Variants in HMGXB4 observed in about 807,000 individuals in gnomAD.
The protein encoded by HMGXB4 is HMG-box containing 4.
HMGXB4 carries 27 observed loss-of-function variants against 63.9 expected under a neutral mutation model. The observed-to-expected ratio is 0.42, with a 90% CI of 0.31 to 0.58. The LOEUF (loss-of-function observed/expected upper bound fraction) is 0.58. Ranked by LOEUF, HMGXB4 falls within the 20% of genes least tolerant of loss-of-function variation. The pLI, the probability that HMGXB4 is intolerant of heterozygous loss-of-function variation, is 0.13. For missense variants in HMGXB4, 624 were observed against 700.7 expected (o/e 0.89, Z 1.24); for synonymous variants, 264 against 265.3 (o/e 0.99, Z 0.05).
intron 9 of HMGXB4, 88 bp downstream of exon 9, chr22:35,288,495 A>T (rs1924731268): frequency 9.8e-7 from 1 of 1,022,792 alleles, no homozygotes; most frequent in Non-Finnish European, 1.4e-6. Context: ...ACATACATGT[A>T]TTGAGCATCT....
At chr22:35,274,744 G>C (rs9607261) in intron 5 of HMGXB4, among the ~76,000 whole-genome samples, 77,886 of 152,158 alleles carry the variant, frequency 0.51, 22,849 homozygotes, top group Non-Finnish European at 0.65. Flanking sequence ...ACAGATAGCA[G>C]AAGTATAGAG....
At chr22:35,285,750 T>G (rs952274244) in intron 6 of HMGXB4, among the ~76,000 whole-genome samples, 1 of 151,988 alleles carries the variant, frequency 6.6e-6, no homozygotes, top group Non-Finnish European at 1.5e-5. Flanking sequence ...GAAAGATGCT[T>G]AAGGAATAAA....
At chr22:35,251,521 T>C in the HMGXB4 span, among the ~76,000 whole-genome samples, 1 of 152,148 alleles carries the variant, frequency 6.6e-6, no homozygotes, top group Admixed American at 6.6e-5. Flanking sequence ...GGGACAAAGA[T>C]GACTTAGAAA....
upstream of HMGXB4, among the ~76,000 whole-genome samples, chr22:35,253,144 A>AAAAAG (rs1555886256): frequency 4.8e-5 from 6 of 125,374 alleles, no homozygotes; most frequent in African/African-American, 1.4e-4. Context: ...AAAAAAAAAA[A>AAAAAG]AAAAAAGAAA....
chr22:35,266,085 G>T (rs574816753), intron 5 of HMGXB4, among the ~76,000 whole-genome samples: 1 of 151,842 alleles, frequency 6.6e-6, no homozygotes, highest in African/African-American at 2.4e-5. Flanking sequence ...CACCATGCCC[G>T]GCCTAGGGTT....
the HMGXB4 span, among the ~76,000 whole-genome samples, chr22:35,242,570 G>C: frequency 1.3e-5 from 2 of 149,966 alleles, no homozygotes; most frequent in African/African-American, 5.0e-5. Context: ...ATCTTATCAA[G>C]GAACTAGCCC....
intron 5 of HMGXB4, among the ~76,000 whole-genome samples, chr22:35,273,054 C>T (rs539938835): frequency 2.6e-5 from 4 of 152,158 alleles, no homozygotes; most frequent in African/African-American, 9.7e-5. Flanking sequence ...TAGCCTAATG[C>T]CTGGCACACC....
chr22:35,288,658 T>C (rs1924738732), intron 9 of HMGXB4, among the ~76,000 whole-genome samples: 1 of 152,120 alleles, frequency 6.6e-6, no homozygotes, highest in South Asian at 2.1e-4. Context: ...CAAAAAGAAA[T>C]TGGAGTACCC....
At chr22:35,256,570 G>A (rs1426841968), upstream of HMGXB4, among the ~76,000 whole-genome samples, 1 of 152,122 alleles carries the variant, frequency 6.6e-6, no homozygotes, top group East Asian at 1.9e-4. Flanking sequence ...CGCAATCTCG[G>A]CTCACTGCAA....
At chr22:35,290,634 A>C (rs1306804269) in intron 9 of HMGXB4, among the ~76,000 whole-genome samples, 3 of 148,320 alleles carry the variant, frequency 2.0e-5, no homozygotes, top group Non-Finnish European at 4.5e-5. Context: ...CCGCCTCAAA[A>C]AAAAAAAAAA....
At chr22:35,252,750 T>C (rs1922240567), upstream of HMGXB4, among the ~76,000 whole-genome samples, 1 of 152,152 alleles carries the variant, frequency 6.6e-6, no homozygotes, top group Admixed American at 6.5e-5. Flanking sequence ...ACGCCTGTAA[T>C]CCCAGCACTT....
At chr22:35,276,238 G>A (rs1288598185) in intron 5 of HMGXB4, among the ~76,000 whole-genome samples, 1 of 152,146 alleles carries the variant, frequency 6.6e-6, no homozygotes, top group Admixed American at 6.5e-5. Flanking sequence ...CCTTTAGAAA[G>A]GCTCTACATT....
chr22:35,288,497 T>G, intron 9 of HMGXB4, 90 bp downstream of exon 9: 2 of 1,012,334 alleles, frequency 2.0e-6, no homozygotes, highest in Non-Finnish European at 1.4e-6. Context: ...ATACATGTAT[T>G]GAGCATCTAC....
intron 9 of HMGXB4, among the ~76,000 whole-genome samples, chr22:35,289,069 G>A (rs1461058600): frequency 6.6e-6 from 1 of 152,074 alleles, no homozygotes; most frequent in African/African-American, 2.4e-5. Context: ...GAACCTGGGA[G>A]GCAGAGGTTG....
chr22:35,254,950 T>A (rs1234999144), upstream of HMGXB4, among the ~76,000 whole-genome samples: 1 of 152,186 alleles, frequency 6.6e-6, no homozygotes, highest in African/African-American at 2.4e-5. Flanking sequence ...TCCAAGCTAG[T>A]GGTAGAGTGT....
At chr22:35,265,789 CTTT>C (rs769959544) in intron 5 of HMGXB4, among the ~76,000 whole-genome samples, 186 bp downstream of exon 5, 2 of 140,068 alleles carry the variant, frequency 1.4e-5, no homozygotes. Flanking sequence ...TAGAAGCAAT[CTTT>C]TTTTTTTTTT....
At chr22:35,292,016 C>T (rs980615550) in intron 9 of HMGXB4, among the ~76,000 whole-genome samples, 1 of 152,018 alleles carries the variant, frequency 6.6e-6, no homozygotes, top group Non-Finnish European at 1.5e-5. Context: ...AATGGATGCT[C>T]AAAGGAGGGC....
intron 5 of HMGXB4, among the ~76,000 whole-genome samples, chr22:35,282,404 T>G (rs908799693): frequency 7.2e-5 from 11 of 152,056 alleles, no homozygotes; most frequent in Admixed American, 3.3e-4. Context: ...CCTCGTGATC[T>G]GCCCGCCTTG....
chr22:35,247,737 G>GGTT, the HMGXB4 span, among the ~76,000 whole-genome samples: 1 of 151,650 alleles, frequency 6.6e-6, no homozygotes, highest in African/African-American at 2.4e-5. Context: ...TTTTTTTGCT[G>GGTT]GTTTGTTTGT....
Sources: allele counts gnomAD v4.1 joint callset (sites outside exome capture counted in the v4.1 genomes callset), GRCh38; gene constraint gnomAD v4.1.1; transcripts MANE v1.5; gene names NCBI Gene and HGNC (gene_info 2026-07-23, HGNC 2026-07-21).